Variants in PELI1 observed in about 807,000 individuals in gnomAD.
PELI1 encodes the protein E3 ubiquitin-protein ligase pellino homolog 1.
PELI1 carries 15 observed loss-of-function variants against 41.3 expected under a neutral mutation model. That is an observed-to-expected ratio of 0.36 (90% CI 0.24 to 0.56). The LOEUF is 0.56. Among genes scored for constraint, PELI1 ranks in the 20% least tolerant of loss-of-function variants. PELI1 has a pLI of 0.82. For synonymous variants in PELI1, 178 were observed against 180.1 expected (o/e 0.99, Z 0.09); for missense variants, 403 against 525.5 (o/e 0.77, Z 2.28).
At chr2:64,095,557 T>C (rs1425888795) in intron 6 of PELI1, among the ~76,000 whole-genome samples, 1 of 152,234 alleles carries the variant, frequency 6.6e-6, no homozygotes, top group African/African-American at 2.4e-5. Flanking sequence ...TGGTTTAAGA[T>C]ATACAGATGG....
intron 1 of PELI1, among the ~76,000 whole-genome samples, chr2:64,110,433 G>A (rs544730681): frequency 1.1e-4 from 17 of 152,046 alleles, no homozygotes; most frequent in Non-Finnish European, 2.4e-4. Context: ...ATTCTCAGAC[G>A]AGGAAAAATT....
At chr2:64,098,724 C>T (rs1680324307) in intron 4 of PELI1, among the ~76,000 whole-genome samples, 1 of 152,150 alleles carries the variant, frequency 6.6e-6, no homozygotes, top group South Asian at 2.1e-4. Flanking sequence ...ATGACTTGAA[C>T]AATAAATGTT....
chr2:64,141,977 T>C (rs1476681783), intron 1 of PELI1, among the ~76,000 whole-genome samples: 3 of 152,174 alleles, frequency 2.0e-5, no homozygotes, highest in African/African-American at 7.2e-5. Flanking sequence ...TAACCAACTG[T>C]AAGAACATTT....
chr2:64,111,016 A>C (rs1053975445), intron 1 of PELI1, among the ~76,000 whole-genome samples: 7 of 152,084 alleles, frequency 4.6e-5, no homozygotes, highest in African/African-American at 1.7e-4. Flanking sequence ...AATAATCCCC[A>C]AAATATTATC....
intron 1 of PELI1, among the ~76,000 whole-genome samples, chr2:64,109,982 C>T (rs942784943): frequency 3.3e-5 from 5 of 152,114 alleles, no homozygotes; most frequent in African/African-American, 4.8e-5. Flanking sequence ...CAGTGGCTCA[C>T]GCCTGTAATT....
intron 1 of PELI1, among the ~76,000 whole-genome samples, chr2:64,122,343 A>T (rs567606089): frequency 1.5e-5 from 1 of 68,706 alleles, no homozygotes; most frequent in East Asian, 1.8e-3. Context: ...TCTGAAACTT[A>T]AAAAAAAAAA....
intron 1 of PELI1, among the ~76,000 whole-genome samples, chr2:64,141,278 G>C (rs1681903934): frequency 6.6e-6 from 1 of 151,278 alleles, no homozygotes; most frequent in Non-Finnish European, 1.5e-5. Flanking sequence ...AGACATAAAT[G>C]TAACTTTTGG....
chr2:64,140,860 C>A (rs1681892038), intron 1 of PELI1, among the ~76,000 whole-genome samples: 1 of 137,596 alleles, frequency 7.3e-6, no homozygotes, highest in South Asian at 2.3e-4. Context: ...CTTTCAATGA[C>A]CAATAATTCT....
intron 1 of PELI1, among the ~76,000 whole-genome samples, chr2:64,140,811 A>AAC (rs1681885213): frequency 6.8e-6 from 1 of 147,662 alleles, no homozygotes; most frequent in Non-Finnish European, 1.5e-5. Flanking sequence ...AAACAAACAA[A>AAC]AAAAAACCTA....
At chr2:64,101,988 C>T (rs1461990434) in intron 3 of PELI1, among the ~76,000 whole-genome samples, 4 of 151,932 alleles carry the variant, frequency 2.6e-5, no homozygotes, top group Admixed American at 6.6e-5. Context: ...CCACCACGCC[C>T]GGCTAATTTT....
At chr2:64,101,709 T>G (rs955751828) in intron 3 of PELI1, among the ~76,000 whole-genome samples, 1 of 152,156 alleles carries the variant, frequency 6.6e-6, no homozygotes. Context: ...GCTTTAAGAC[T>G]GTCAAATTTC....
intron 4 of PELI1, among the ~76,000 whole-genome samples, chr2:64,099,686 T>G (rs999850928): frequency 3.3e-5 from 5 of 152,162 alleles, no homozygotes; most frequent in African/African-American, 4.8e-5. Context: ...AAAGCAACAT[T>G]ATCAGGCAAT....
At chr2:64,114,589 A>C (rs2017834) in intron 1 of PELI1, among the ~76,000 whole-genome samples, 47,341 of 152,062 alleles carry the variant, frequency 0.31, 8,012 homozygotes, top group East Asian at 0.77. Context: ...TGCTGATAGT[A>C]TATCACCTAC....
chr2:64,142,509 G>A (rs1265737540), intron 1 of PELI1, among the ~76,000 whole-genome samples: 4 of 152,054 alleles, frequency 2.6e-5, no homozygotes, highest in African/African-American at 9.7e-5. Flanking sequence ...TTTCCAGTAT[G>A]GTACCGAAGA....
In PELI1 at chr2:64,095,013, C is replaced by T; in HGVS notation, c.946G>A (p.Gly316Ser). 6.2e-7 allele frequency: 1 copy of T among 1,614,184 alleles called. No individual in the cohort carries two copies. The highest frequency in any genetic ancestry group is 8.5e-7 in the Non-Finnish European group (1 of 1,180,022). Reference protein sequence around the residue: ...WVYLNCGHVHGYHNWGNKEER... With the variant: ...WVYLNCGHVHSYHNWGNKEER... ...TCTTTGTTTCCCCAGTTATGATAGC[C>T]ATGTACATGGCCGCAGTTTAGATAT... is the stretch of plus-strand genomic sequence containing the variant. Residue 316 changes from glycine to serine, a missense_variant, in exon 7 of 7, where the codon GGC becomes AGC. Gly to Ser is a moderately conservative substitution (Grantham distance 56). Coordinates refer to ENST00000358912, the MANE Select transcript of PELI1 (RefSeq NM_020651.4).
chr2:64,116,814 G>T (rs912957139), intron 1 of PELI1, among the ~76,000 whole-genome samples: 1 of 152,146 alleles, frequency 6.6e-6, no homozygotes, highest in Non-Finnish European at 1.5e-5. Context: ...TGGCAACCCT[G>T]CATGGCCAAG....
chr2:64,118,453 A>G (rs1011060829), intron 1 of PELI1, among the ~76,000 whole-genome samples: 2 of 152,198 alleles, frequency 1.3e-5, no homozygotes, highest in African/African-American at 4.8e-5. Context: ...TATTCTAGAA[A>G]TCAGATTAAG....
intron 1 of PELI1, among the ~76,000 whole-genome samples, chr2:64,139,828 G>A (rs1681839110): frequency 6.6e-6 from 1 of 152,146 alleles, no homozygotes; most frequent in Non-Finnish European, 1.5e-5. Context: ...GTTTGAACAA[G>A]GACTCCCAGT....
At chr2:64,128,222 C>T (rs909494868) in intron 1 of PELI1, among the ~76,000 whole-genome samples, 8 of 152,086 alleles carry the variant, frequency 5.3e-5, no homozygotes, top group Non-Finnish European at 4.4e-5. Context: ...GTTCAGTAAA[C>T]ATTTATGGAG....
Sources: gnomAD v4.1 joint callset for allele counts (sites outside exome capture counted in the v4.1 genomes callset) on GRCh38, gnomAD v4.1.1 for gene constraint, MANE v1.5 for transcripts, NCBI Gene and HGNC (gene_info 2026-07-23, HGNC 2026-07-21) for gene names.